The following SAMD12 variants were observed in gnomAD, a reference collection of about 807,000 sequenced individuals.
SAMD12 encodes the protein sterile alpha motif domain-containing protein 12.
Under a neutral mutation model 15.0 loss-of-function variants are expected in SAMD12, and 9 were observed. The ratio of observed to expected loss-of-function variants is 0.60; its 90% CI spans 0.36 to 1.05. The LOEUF (loss-of-function observed/expected upper bound fraction) is 1.05, where lower values mean the gene tolerates loss of function less well. SAMD12 is among the 50% of genes least tolerant of loss of function. The probability of loss-of-function intolerance (pLI) is 0.01; values close to 1 mark genes in which losing one functional copy is unlikely to be tolerated. For synonymous variants in SAMD12, 86 were observed against 90.1 expected, an observed-to-expected ratio of 0.96 and a Z score of 0.25; for missense variants, 230 against 234.2, an observed-to-expected ratio of 0.98 and a Z score of 0.12.
At chr8:118,526,131 G>A (rs1320705983) in intron 2 of SAMD12, among the ~76,000 whole-genome samples, 1 of 152,100 alleles carries the variant, frequency 6.6e-6, no homozygotes, top group African/African-American at 2.4e-5. Flanking sequence ...AACACTTACT[G>A]GAAGCTTATT....
chr8:118,513,448 A>G (rs748633165), intron 2 of SAMD12, among the ~76,000 whole-genome samples: 12 of 152,212 alleles, frequency 7.9e-5, no homozygotes, highest in Non-Finnish European at 1.5e-4. Context: ...GTTAAAGAGG[A>G]TGCTTCCCAA....
chr8:118,320,836 T>TA (rs1421194017), intron 4 of SAMD12, among the ~76,000 whole-genome samples: 1 of 148,878 alleles, frequency 6.7e-6, no homozygotes, highest in Non-Finnish European at 1.5e-5. Context: ...TATATATATA[T>TA]AAAAATCTAT....
At chr8:118,474,505 C>G (rs886081330) in intron 2 of SAMD12, among the ~76,000 whole-genome samples, 4 of 151,738 alleles carry the variant, frequency 2.6e-5, no homozygotes, top group South Asian at 2.1e-4. Flanking sequence ...CTCAGCCTCC[C>G]GAGTAGCTGG....
At chr8:118,500,784 C>T (rs1327195117) in intron 2 of SAMD12, among the ~76,000 whole-genome samples, 7 of 152,204 alleles carry the variant, frequency 4.6e-5, no homozygotes, top group East Asian at 1.9e-4. Context: ...CCAGCCTGGG[C>T]GACAGAGGGA....
intron 4 of SAMD12, among the ~76,000 whole-genome samples, chr8:118,266,993 G>A (rs2450217): frequency 3.3e-5 from 5 of 151,858 alleles, no homozygotes; most frequent in Non-Finnish European, 7.4e-5. Flanking sequence ...AAGCATTCTC[G>A]CCACAAAAAA....
At chr8:118,145,602 A>T in the SAMD12 span, among the ~76,000 whole-genome samples, 1 of 152,212 alleles carries the variant, frequency 6.6e-6, no homozygotes, top group Non-Finnish European at 1.5e-5. Flanking sequence ...GTGACAAAGT[A>T]AGGATTTCAG....
intron 4 of SAMD12, among the ~76,000 whole-genome samples, chr8:118,300,804 A>G (rs1814980449): frequency 6.6e-6 from 1 of 152,218 alleles, no homozygotes; most frequent in East Asian, 1.9e-4. Flanking sequence ...GATTACTGAT[A>G]GGTAGCGCAT....
At chr8:118,588,514 C>T (rs1344486835) in intron 1 of SAMD12, among the ~76,000 whole-genome samples, 1 of 152,092 alleles carries the variant, frequency 6.6e-6, no homozygotes, top group Non-Finnish European at 1.5e-5. Flanking sequence ...AGTTCAATGT[C>T]CATAAAGTGT....
intron 3 of SAMD12, among the ~76,000 whole-genome samples, chr8:118,394,264 A>G (rs1820437623): frequency 6.6e-6 from 1 of 152,212 alleles, no homozygotes; most frequent in Non-Finnish European, 1.5e-5. Flanking sequence ...ATCTCTACAC[A>G]TGCTCAGCCT....
intron 3 of SAMD12, among the ~76,000 whole-genome samples, chr8:118,414,475 A>C (rs1184743768): frequency 6.6e-6 from 1 of 152,232 alleles, no homozygotes; most frequent in African/African-American, 2.4e-5. Context: ...ATCTACTTTA[A>C]TTTTACTTTC....
chr8:118,521,037 C>T lies in SAMD12; in HGVS notation c.192+59678G>A, dbSNP rs1047349914. Among the ~76,000 whole-genome samples the T allele has an allele frequency of 9.2e-5, 14 of 152,252 alleles. 1 individual carries two copies. The highest frequency in any genetic ancestry group is 8.3e-4 in the South Asian group (4 of 4,814). ...CAATTAAAATGTATATTAATGCATA[C>T]GTATACATTTCTCTTCCTTCATGCC... On this transcript the variant is annotated intron_variant, in intron 2 of 3. Transcript: ENST00000314727.
intron 4 of SAMD12, among the ~76,000 whole-genome samples, chr8:118,218,337 A>T (rs538490557): frequency 6.6e-6 from 1 of 152,324 alleles, no homozygotes; most frequent in South Asian, 2.1e-4. Flanking sequence ...GAGATGAGTA[A>T]ATCAAGCTAA....
intron 3 of SAMD12, among the ~76,000 whole-genome samples, chr8:118,424,943 T>C (rs1369005724): frequency 1.4e-5 from 2 of 146,364 alleles, no homozygotes; most frequent in African/African-American, 5.4e-5. Flanking sequence ...ATATTAATTT[T>C]TTTTTTTTTT....
chr8:118,138,413 G>A, the SAMD12 span, among the ~76,000 whole-genome samples: 1 of 152,176 alleles, frequency 6.6e-6, no homozygotes, highest in African/African-American at 2.4e-5. Context: ...CAAGGGGACA[G>A]AGCCCTGATA....
intron 2 of SAMD12, among the ~76,000 whole-genome samples, chr8:118,448,075 A>G (rs534949271): frequency 9.9e-5 from 15 of 152,228 alleles, no homozygotes; most frequent in Middle Eastern, 3.4e-3. Flanking sequence ...TTCTGTTCCC[A>G]CTACACCAGT....
At chr8:118,605,510 CA>C (rs1260937567) in intron 1 of SAMD12, among the ~76,000 whole-genome samples, 3 of 152,014 alleles carry the variant, frequency 2.0e-5, no homozygotes, top group Non-Finnish European at 2.9e-5. Flanking sequence ...GGCAAGAGAT[CA>C]AACACTGAAG....
At chr8:118,333,981 G>C (rs2062426) in intron 4 of SAMD12, among the ~76,000 whole-genome samples, 54,045 of 144,714 alleles carry the variant, frequency 0.37, 10,986 homozygotes, top group African/African-American at 0.5. Context: ...GTGTCTGTGT[G>C]TGTGTGTGTG....
intron 2 of SAMD12, among the ~76,000 whole-genome samples, chr8:118,476,755 A>C (rs966734636): frequency 6.6e-6 from 1 of 152,120 alleles, no homozygotes; most frequent in Non-Finnish European, 1.5e-5. Context: ...ATACATACTA[A>C]AATTATTTCA....
chr8:118,548,517 T>G (rs192785356), intron 2 of SAMD12, among the ~76,000 whole-genome samples: 2 of 152,068 alleles, frequency 1.3e-5, no homozygotes, highest in East Asian at 1.9e-4. Context: ...CTAAAGGTAT[T>G]TGTTAACATC....
Sources: allele counts gnomAD v4.1 joint callset (sites outside exome capture counted in the v4.1 genomes callset), GRCh38; gene constraint gnomAD v4.1.1; transcripts MANE v1.5; gene names NCBI Gene and HGNC (gene_info 2026-07-23, HGNC 2026-07-21).